The following NECTIN1 variants were observed in gnomAD, a reference collection of about 807,000 sequenced individuals.
NECTIN1 encodes the protein nectin-1.
In NECTIN1, 23 loss-of-function variants were observed where a neutral mutation model predicts 48.0. The ratio of observed to expected loss-of-function variants is 0.48; its 90% CI spans 0.34 to 0.68. The LOEUF is 0.68. Ranked by LOEUF, NECTIN1 falls within the 30% of genes least tolerant of loss-of-function variation. NECTIN1 has a pLI of 0.01. For missense variants in NECTIN1, 591 were observed against 709.9 expected (o/e 0.83, Z 1.90); for synonymous variants, 270 against 288.9 (o/e 0.93, Z 0.66).
intron 1 of NECTIN1, among the ~76,000 whole-genome samples, chr11:119,726,240 G>A (rs1264524833): frequency 6.6e-6 from 1 of 152,280 alleles, no homozygotes; most frequent in Non-Finnish European, 1.5e-5. Flanking sequence ...GCAATGGGGA[G>A]GAAGCCAGCA....
chr11:119,706,390 A>G (rs1865549143), intron 1 of NECTIN1, among the ~76,000 whole-genome samples: 1 of 152,142 alleles, frequency 6.6e-6, no homozygotes, highest in African/African-American at 2.4e-5. Flanking sequence ...CAGTGGAGAA[A>G]GCTTTGGGCC....
intron 1 of NECTIN1, among the ~76,000 whole-genome samples, chr11:119,680,434 AG>A: frequency 6.6e-6 from 1 of 152,292 alleles, no homozygotes; most frequent in Middle Eastern, 3.4e-3. Flanking sequence ...TGACCCCCCA[AG>A]GGAGTCTGGG....
intron 1 of NECTIN1, among the ~76,000 whole-genome samples, chr11:119,713,194 G>A (rs1219412788): frequency 6.6e-6 from 1 of 152,144 alleles, no homozygotes; most frequent in Non-Finnish European, 1.5e-5. Context: ...CACTGGCTTT[G>A]GAGACCAGAA....
At chr11:119,639,832 G>A (rs755894063) in intron 6 of NECTIN1, 5 of 1,613,714 alleles carry the variant, frequency 3.1e-6, no homozygotes, top group Non-Finnish European at 4.2e-6. Flanking sequence ...CAGACCAGTG[G>A]GAGTTTAGTG....
rs78565137 is a variant in NECTIN1 at position 119,690,626 on chromosome 11, C to G, written c.80-11861G>C. Among the ~76,000 whole-genome samples, 563 of 152,356 alleles carry G rather than the reference C, an allele frequency of 3.7e-3. 5 individuals carry two copies. The East Asian group carries it at 0.048, about 13-fold the overall frequency. Reference sequence around the variant, plus strand: ...CCCAGGCACCAGCAGATCAGGGCCTCAGGACTGCTGGGGTAAGAGGCAAAA... The same window carrying G: ...CCCAGGCACCAGCAGATCAGGGCCTGAGGACTGCTGGGGTAAGAGGCAAAA... On this transcript the variant is annotated intron_variant, in intron 1 of 5. Coordinates refer to ENST00000264025, the MANE Select transcript of NECTIN1 (RefSeq NM_002855.5).
At position 119,690,024 on chromosome 11, in the gene NECTIN1, A is replaced by G. The variant is rs543437053; in HGVS notation, c.80-11259T>C. ...ACGTAACGTCTGGGTTAGACATAAC[A>G]TTCCCAGGTGGGGCTGGGCCTTCTG... On this transcript the variant is annotated intron_variant, in intron 1 of 5. Coordinates refer to ENST00000264025, the MANE Select transcript of NECTIN1 (RefSeq NM_002855.5). 2.6e-5 allele frequency among the ~76,000 whole-genome samples: 4 copies of G among 152,362 alleles called. No homozygotes were observed. The East Asian group carries it at 7.7e-4, about 29-fold the overall frequency.
downstream of NECTIN1, among the ~76,000 whole-genome samples, chr11:119,659,818 T>A (rs1864631311): frequency 6.6e-6 from 1 of 152,250 alleles, no homozygotes; most frequent in African/African-American, 2.4e-5. Flanking sequence ...TCCACTGCTC[T>A]CTTCCAATGT....
chr11:119,720,663 C>T (rs1865812362), intron 1 of NECTIN1, among the ~76,000 whole-genome samples: 1 of 152,256 alleles, frequency 6.6e-6, no homozygotes. Flanking sequence ...CTCCTTCAAG[C>T]CATGGCGGCG....
chr11:119,709,857 T>C lies in NECTIN1; in HGVS notation c.79+18618A>G, dbSNP rs1325048630. The C allele has an allele frequency of 6.6e-6, 1 of 152,318 alleles. No individual in the cohort carries two copies. Among genetic ancestry groups the C allele is most frequent in the Non-Finnish European group, 1.5e-5 (1 of 68,116 alleles). The allele number at this position is 152,318 out of a possible 1,614,324, so 9.4% of individuals were successfully genotyped here. A position where few individuals can be genotyped will look rare whatever the true frequency, so the allele number is the denominator to read the frequency against. On this transcript the variant is annotated intron_variant, in intron 1 of 5. Coordinates refer to ENST00000264025, the MANE Select transcript of NECTIN1 (RefSeq NM_002855.5). The surrounding 1 kb of genome is among the most constrained non-coding windows in gnomAD (Gnocchi z 4.1). ...ACCACAAACCTCAGTCTCAAGCCAC[T>C]TGGTTGTCATGGAAACAGGCCGGAA...
intron 6 of NECTIN1, chr11:119,639,847 G>T: frequency 6.2e-7 from 1 of 1,614,076 alleles, no homozygotes; most frequent in Non-Finnish European, 8.5e-7. Flanking sequence ...TTAGTGGGCA[G>T]AGTCCTGCCT....
chr11:119,638,291 C>T (rs777061593), intron 7 of NECTIN1: 6 of 1,611,464 alleles, frequency 3.7e-6, no homozygotes, highest in Non-Finnish European at 5.1e-6. Flanking sequence ...TTTCCATGCC[C>T]CTGCTCCAGG....
intron 4 of NECTIN1, among the ~76,000 whole-genome samples, chr11:119,675,893 T>A (rs1369861634): frequency 6.6e-6 from 1 of 151,886 alleles, no homozygotes; most frequent in Non-Finnish European, 1.5e-5. Context: ...GTAGTCCCAG[T>A]TACTCGGGAG....
rs1032875028 is a variant in NECTIN1, at chr11:119,665,441, C to T, written c.1004-144G>A. The stretch of plus-strand genomic sequence containing the variant: ...TTTGAGCAGCTCCAGTTCGAGGCCC[C>T]GCAGCACTCCACCCATCCTGGAGCC... On this transcript the variant is annotated intron_variant, in intron 5 of 5. Transcript: ENST00000264025. This position sits in a 1 kb window ranked among gnomAD's most constrained non-coding sequence, Gnocchi z 5.1. 2.3e-5 allele frequency: 32 copies of T among 1,392,062 alleles called. No homozygotes were observed. In the East Asian group the frequency reaches 4.3e-4, roughly 19 times the overall value. The allele number at this position is 1,392,062 out of a possible 1,614,324, so 86.2% of individuals were successfully genotyped here.
Position 119,709,251 on chromosome 11 carries a change from T to C in NECTIN1, c.79+19224A>G, listed in dbSNP as rs371914957. On this transcript the variant is annotated intron_variant, in intron 1 of 5. Coordinates refer to ENST00000264025, the MANE Select transcript of NECTIN1 (RefSeq NM_002855.5). This position sits in a 1 kb window ranked among gnomAD's most constrained non-coding sequence, Gnocchi z 4.1. Reference sequence around the variant, plus strand: ...GAAAATAACACCGTGAAAACAGAACTGTCTGTTCAGAAATAAGAGACCCCC... The same window carrying C: ...GAAAATAACACCGTGAAAACAGAACCGTCTGTTCAGAAATAAGAGACCCCC... Among the ~76,000 whole-genome samples the C allele has an allele frequency of 1.4e-4, 22 of 152,140 alleles. No individual in the cohort carries two copies. Among genetic ancestry groups the C allele is most frequent in the African/African-American group, 4.8e-4 (20 of 41,480 alleles).
downstream of NECTIN1, among the ~76,000 whole-genome samples, chr11:119,658,001 C>A (rs1864603680): frequency 6.6e-6 from 1 of 150,572 alleles, no homozygotes; most frequent in Non-Finnish European, 1.5e-5. Flanking sequence ...TGGGGCAGGG[C>A]CTGATTTTTA....
rs1019255327 is a variant in NECTIN1 at position 119,663,500 on chromosome 11, T to G, written c.*1247A>C. 3.0e-6 allele frequency: 3 copies of G among 985,428 alleles called. No homozygotes were observed. The African/African-American group carries it at 5.2e-5, about 17-fold the overall frequency. The allele number at this position is 985,428 out of a possible 1,614,324, so 61.0% of individuals were successfully genotyped here. On this transcript the variant is annotated 3_prime_UTR_variant, in exon 6 of 6. Coordinates refer to ENST00000264025, the MANE Select transcript of NECTIN1 (RefSeq NM_002855.5). ...CCTAGCGGCCCCACCCCCCTCACTT[T>G]CTGCCAGGCCCGAGGCTTTGACAAT...
intron 1 of NECTIN1, among the ~76,000 whole-genome samples, chr11:119,695,292 C>T (rs1432084296): frequency 6.6e-6 from 1 of 151,888 alleles, no homozygotes. Flanking sequence ...TCTCCCTCTC[C>T]CACCCCTCCC....
chr11:119,664,785 C>T lies in NECTIN1; in HGVS notation c.1516G>A (p.Asp506Asn), dbSNP rs776020561. The change falls in exon 6 of 6, where the codon GAC becomes AAC. Residue 506 changes from aspartate (D) to asparagine (N), a missense_variant. Coordinates refer to ENST00000264025, the MANE Select transcript of NECTIN1 (RefSeq NM_002855.5). The part of the protein sequence containing the change: ...DLAENMVSQN[D>N]GSFISKKEWY... ...TCCTTCTTGGAAATGAAAGACCCGT[C>T]GTTCTGAGAAACCATGTTCTCAGCC... The T allele has an allele frequency of 4.3e-6, 7 of 1,613,056 alleles. No homozygotes were observed. Among genetic ancestry groups the T allele is most frequent in the Admixed American group, 3.3e-5 (2 of 59,930 alleles).
chr11:119,686,176 C>A (rs1250430123), intron 1 of NECTIN1, among the ~76,000 whole-genome samples: 1 of 152,188 alleles, frequency 6.6e-6, no homozygotes, highest in Non-Finnish European at 1.5e-5. Flanking sequence ...CTTTTGAATT[C>A]CTCTTGATTT....
Sources: gnomAD v4.1 joint callset for allele counts (sites outside exome capture counted in the v4.1 genomes callset) on GRCh38, gnomAD v4.1.1 for gene constraint, Gnocchi (gnomAD v3.1) non-coding constraint, MANE v1.5 for transcripts, NCBI Gene and HGNC (gene_info 2026-07-23, HGNC 2026-07-21) for gene names.